The following MGAT4C variants were observed in gnomAD, a reference collection of about 807,000 sequenced individuals.
MGAT4C encodes the protein alpha-1,3-mannosyl-glycoprotein 4-beta-N-acetylglucosaminyltransferase C.
Under a neutral mutation model 40.1 loss-of-function variants are expected in MGAT4C, and 19 were observed. The ratio of observed to expected loss-of-function variants is 0.47; its 90% CI spans 0.33 to 0.70. The LOEUF (loss-of-function observed/expected upper bound fraction) is 0.70, where lower values mean the gene tolerates loss of function less well. Among genes scored for constraint, MGAT4C ranks in the 30% least tolerant of loss-of-function variants. The pLI, the probability that MGAT4C is intolerant of heterozygous loss-of-function variation, is 0.02. For missense variants in MGAT4C, 491 were observed against 563.2 expected (o/e 0.87, Z 1.30); for synonymous variants, 181 against 187.1 (o/e 0.97, Z 0.27).
At chr12:86,239,287 A>G (rs1951680525) in intron 1 of MGAT4C, among the ~76,000 whole-genome samples, 1 of 152,070 alleles carries the variant, frequency 6.6e-6, no homozygotes, top group Non-Finnish European at 1.5e-5. Context: ...TATTTAGGAA[A>G]GCTCGTGGAG....
At position 86,717,132 on chromosome 12, in the gene MGAT4C, A is replaced by AT. The variant is rs201939873; in HGVS notation, c.-229+10076dup. On this transcript the variant is annotated intron_variant, in intron 2 of 7. Coordinates refer to the MGAT4C transcript ENST00000548651. ...AGGACTTCCTCTGCCTTAGAGCACA[A>AT]TTTTTTTAAAAAACAGACATCAAGA... 5.7e-3 allele frequency among the ~76,000 whole-genome samples: 865 copies of AT among 152,034 alleles called. 5 individuals are homozygous for AT. The highest frequency in any genetic ancestry group is 0.02 in the African/African-American group (838 of 41,506).
In MGAT4C at chr12:86,684,696, G is replaced by T. The variant is rs1398485877; in HGVS notation, c.-229+42513C>A. 2.0e-5 allele frequency among the ~76,000 whole-genome samples: 3 copies of T among 151,852 alleles called. No individual in the cohort carries two copies. In the East Asian group the frequency reaches 5.8e-4, roughly 29 times the overall value. On this transcript the variant is annotated intron_variant, in intron 2 of 7. Coordinates refer to the MGAT4C transcript ENST00000548651. Reference sequence around the variant, plus strand: ...CTCCACATCCTCTCCAGGATCTGTTGTTTCCTGACTTTTTAATGATCGCCA... The same window carrying T: ...CTCCACATCCTCTCCAGGATCTGTTTTTTCCTGACTTTTTAATGATCGCCA...
intron 2 of MGAT4C, chr12:86,011,944 C>T: frequency 1.3e-6 from 1 of 782,848 alleles, no homozygotes; most frequent in Non-Finnish European, 1.6e-6. Context: ...GTTACTTGAG[C>T]AGGAGATCTT....
intron 2 of MGAT4C, among the ~76,000 whole-genome samples, chr12:86,588,515 A>C (rs1347424089): frequency 6.6e-6 from 1 of 151,998 alleles, no homozygotes; most frequent in African/African-American, 2.4e-5. Context: ...GTTAACAAGG[A>C]CACCCAGGAA....
At chr12:85,997,801 G>A (rs1295890656) in intron 2 of MGAT4C, among the ~76,000 whole-genome samples, 1 of 152,192 alleles carries the variant, frequency 6.6e-6, no homozygotes, top group East Asian at 1.9e-4. Context: ...GCCTTCATGG[G>A]TTAGCATAAA....
rs2136647544 is a variant in MGAT4C, at chr12:85,964,457, A to T, written c.*14832T>A. On this transcript the variant is annotated 3_prime_UTR_variant, in exon 5 of 5. Transcript: ENST00000611864. ...TGAAATAATAGTATCATTCTATTTC[A>T]GGTTCTTAAGCAACATTCCTAAGAC... 6.6e-6 allele frequency: 1 copy of T among 152,236 alleles called. No homozygotes were observed. The highest frequency in any genetic ancestry group is 3.4e-3 in the Middle Eastern group (1 of 294). The allele number at this position is 152,236 out of a possible 1,614,324, so 9.4% of individuals were successfully genotyped here.
intron 3 of MGAT4C, among the ~76,000 whole-genome samples, chr12:86,357,599 G>T (rs1955345847): frequency 6.6e-6 from 1 of 152,030 alleles, no homozygotes; most frequent in African/African-American, 2.4e-5. Context: ...TAGATGAATG[G>T]CTAACTAGAA....
In MGAT4C at chr12:86,505,207, GA is replaced by G. The variant is rs568658685; in HGVS notation, c.-228-69943del. On this transcript the variant is annotated intron_variant, in intron 2 of 7. Transcript: ENST00000548651. ...GCTTCATGACTACTCTCAATTGTTT[GA>G]AAAAAAAAATCCTGGCTAGATATTT... Among the ~76,000 whole-genome samples the G allele has an allele frequency of 2.0e-4, 29 of 148,576 alleles. 1 individual carries two copies. The highest frequency in any genetic ancestry group is 4.7e-4 in the African/African-American group (19 of 40,558).
intron 2 of MGAT4C, among the ~76,000 whole-genome samples, chr12:86,654,072 C>A (rs1182442489): frequency 6.6e-6 from 1 of 151,842 alleles, no homozygotes; most frequent in Admixed American, 6.6e-5. Context: ...TAAGAAAGCA[C>A]TAAACAAAAA....
intron 1 of MGAT4C, among the ~76,000 whole-genome samples, chr12:86,734,201 T>TA (rs373100426): frequency 2.6e-5 from 4 of 152,088 alleles, no homozygotes; most frequent in African/African-American, 9.6e-5. Context: ...GAGATTGAAA[T>TA]AAAAAGACAA....
At chr12:86,102,825 A>T (rs1875353003) in intron 1 of MGAT4C, among the ~76,000 whole-genome samples, 1 of 152,112 alleles carries the variant, frequency 6.6e-6, no homozygotes, top group African/African-American at 2.4e-5. Flanking sequence ...TTTAACATTT[A>T]CCAGTTTTTA....
rs1030245733 is a variant in MGAT4C, at chr12:85,966,189, C to T, written c.*13100G>A. 2 of 152,000 alleles carry T rather than the reference C, an allele frequency of 1.3e-5. No homozygotes were observed. Among genetic ancestry groups the T allele is most frequent in the Non-Finnish European group, 2.9e-5 (2 of 68,000 alleles). 9.4% of individuals were successfully genotyped at this position (152,000 alleles called of 1,614,324 possible). ...TGATACCATCTGATTTAATTATTAA[C>T]TTGAAGGTCAGTTTCTACAACTTAT... On this transcript the variant is annotated 3_prime_UTR_variant, in exon 5 of 5. Transcript: ENST00000611864.
At chr12:86,342,325 C>T (rs924588942) in intron 3 of MGAT4C, among the ~76,000 whole-genome samples, 11 of 152,124 alleles carry the variant, frequency 7.2e-5, no homozygotes, top group Non-Finnish European at 1.2e-4. Context: ...CCTCAGCAGG[C>T]AGGTCCTCCA....
At chr12:86,738,207 A>G (rs1951014508) in intron 1 of MGAT4C, among the ~76,000 whole-genome samples, 3 of 151,532 alleles carry the variant, frequency 2.0e-5, no homozygotes, top group South Asian at 4.2e-4. Flanking sequence ...AAGGTCTTTG[A>G]TCTGGTTGTT....
intron 1 of MGAT4C, among the ~76,000 whole-genome samples, chr12:86,079,572 G>A (rs1041728856): frequency 2.6e-5 from 4 of 152,068 alleles, no homozygotes; most frequent in Non-Finnish European, 5.9e-5. Context: ...CTTGTCTGAT[G>A]AGAGGATGCG....
At chr12:86,658,401 G>T (rs1963899744) in intron 2 of MGAT4C, among the ~76,000 whole-genome samples, 1 of 151,992 alleles carries the variant, frequency 6.6e-6, no homozygotes. Context: ...AGCATTTAAG[G>T]ACATTCTTAT....
intron 2 of MGAT4C, among the ~76,000 whole-genome samples, chr12:86,038,334 C>G (rs1891446239): frequency 6.7e-6 from 1 of 149,456 alleles, no homozygotes; most frequent in Admixed American, 6.7e-5. Flanking sequence ...CATGCAAGCC[C>G]TGTCTCAGCT....
intron 4 of MGAT4C, among the ~76,000 whole-genome samples, chr12:86,317,157 T>A (rs1297060434): frequency 1.3e-5 from 2 of 152,032 alleles, no homozygotes; most frequent in African/African-American, 2.4e-5. Flanking sequence ...ACTTTTATAG[T>A]CAATCTATTC....
chr12:86,622,207 G>A (rs1015496119), intron 2 of MGAT4C, among the ~76,000 whole-genome samples: 3 of 152,016 alleles, frequency 2.0e-5, no homozygotes, highest in African/African-American at 7.2e-5. Flanking sequence ...CAACATTCAG[G>A]GAAAGTGAAA....
Sources: allele counts gnomAD v4.1 joint callset (sites outside exome capture counted in the v4.1 genomes callset), GRCh38; gene constraint gnomAD v4.1.1; transcripts MANE v1.5; gene names NCBI Gene and HGNC (gene_info 2026-07-23, HGNC 2026-07-21).